The following PDE9A variants were observed in gnomAD, a reference collection of about 807,000 sequenced individuals.
The protein encoded by PDE9A is phosphodiesterase 9A.
In PDE9A, 60 loss-of-function variants were observed where a neutral mutation model predicts 87.4. The ratio of observed to expected loss-of-function variants is 0.69; its 90% confidence interval spans 0.56 to 0.85. The LOEUF is 0.85. Ranked by LOEUF, PDE9A falls within the 40% of genes least tolerant of loss-of-function variation. PDE9A has a pLI of 0.00. For synonymous variants in PDE9A, 272 were observed against 279.4 expected, an observed-to-expected ratio of 0.97 and a Z score of 0.27; for missense variants, 665 against 779.0, an observed-to-expected ratio of 0.85 and a Z score of 1.74.
chr21:42,670,247 A>C (rs62642827), intron 1 of PDE9A, among the ~76,000 whole-genome samples: 1 of 149,714 alleles, frequency 6.7e-6, no homozygotes, highest in Non-Finnish European at 1.5e-5. Context: ...ACACTCATAC[A>C]CATACATACA....
At position 42,770,787 on chromosome 21, in the gene PDE9A, G is replaced by A. The variant is rs201811895; in HGVS notation, c.1675G>A (p.Ala559Thr). 5.0e-6 allele frequency: 8 copies of A among 1,613,428 alleles called. No individual in the cohort carries two copies. The highest frequency in any genetic ancestry group is 2.2e-5 in the East Asian group (1 of 44,876). Reference protein sequence around the residue: ...RYEELKRIDDAMKELQKKTDS... With the variant: ...RYEELKRIDDTMKELQKKTDS... ...CGAGGAGCTGAAGCGGATAGATGAC[G>A]CCATGAAAGAGGTAAAACACACTGA... The change falls in exon 18 of 20, where the codon GCC becomes ACC. Residue 559 changes from alanine to threonine, a missense_variant. By Grantham distance (58) the Ala-to-Thr change is moderately conservative (BLOSUM62 0). Coordinates refer to ENST00000291539, the MANE Select transcript of PDE9A (RefSeq NM_002606.3).
chr21:42,759,079 G>A lies in PDE9A; in HGVS notation c.891G>A (p.Arg297=). 6.2e-7 allele frequency: 1 copy of A among 1,613,176 alleles called. No homozygotes were observed. The highest frequency in any genetic ancestry group is 2.2e-5 in the East Asian group (1 of 44,874). The change falls in exon 11 of 20, where the codon AGG becomes AGA. Residue 297 remains arginine, a synonymous_variant. Transcript: ENST00000291539. This position sits in a 1 kb window ranked among gnomAD's most constrained non-coding sequence, Gnocchi z 7.2. ...GCATCAACCCTGTCACCCTCAGGAG[G>A]TGGCTGGTGAGTGCCAAACCCGCCT... ...DFSINPVTLR[R]WLFCVHDNYR...
At chr21:42,763,067 TGA>T (rs1258321836) in intron 14 of PDE9A, among the ~76,000 whole-genome samples, 1 of 152,106 alleles carries the variant, frequency 6.6e-6, no homozygotes, top group African/African-American at 2.4e-5. Flanking sequence ...GATATCTGCG[TGA>T]GAGGAAGATG....
At chr21:42,693,299 C>CA (rs1294838094) in intron 3 of PDE9A, among the ~76,000 whole-genome samples, 1 of 133,350 alleles carries the variant, frequency 7.5e-6, no homozygotes, top group Admixed American at 7.4e-5. Flanking sequence ...ACCCAGGAAT[C>CA]TTTTTTTTTT....
In PDE9A at chr21:42,759,980, A is replaced by G. The variant is rs753104823; in HGVS notation, c.898-348A>G. On this transcript the variant is annotated intron_variant, in intron 11 of 19. Transcript: ENST00000291539. This position sits in a 1 kb window ranked among gnomAD's most constrained non-coding sequence, Gnocchi z 7.2. ...GGTTTCATGGTGACTGGGGACCCAG[A>G]GCTCCCTCTTGGAGTCTCCCCTCCC... Among the ~76,000 whole-genome samples, 1 of 151,990 alleles carries G rather than the reference A, an allele frequency of 6.6e-6. No individual in the cohort carries two copies. Among genetic ancestry groups the G allele is most frequent in the Non-Finnish European group, 1.5e-5 (1 of 67,980 alleles).
Position 42,760,747 on chromosome 21 carries a change from C to T in PDE9A, c.1003-78C>T. 1 of 794,342 alleles carries T rather than the reference C, an allele frequency of 1.3e-6. No homozygotes were observed. The highest frequency in any genetic ancestry group is 2.1e-6 in the Non-Finnish European group (1 of 471,618). 49.2% of individuals were successfully genotyped at this position (794,342 alleles called of 1,614,324 possible). A position where few individuals can be genotyped will look rare whatever the true frequency, so the allele number is the denominator to read the frequency against. Reference sequence around the variant, plus strand: ...GCCTTTGTCCCCCGCTTACCACTCACCCAATTCCACCCCCCCTCACCCCAT... The same window carrying T: ...GCCTTTGTCCCCCGCTTACCACTCATCCAATTCCACCCCCCCTCACCCCAT... On this transcript the variant is annotated intron_variant, in intron 12 of 19. Coordinates refer to ENST00000291539, the MANE Select transcript of PDE9A (RefSeq NM_002606.3). The surrounding 1 kb of genome is among the most constrained non-coding windows in gnomAD (Gnocchi z 5.2).
At position 42,700,175 on chromosome 21, in the gene PDE9A, G is replaced by A. The variant is rs185431903; in HGVS notation, c.262+1164G>A. On this transcript the variant is annotated intron_variant, in intron 4 of 19. Coordinates refer to ENST00000291539, the MANE Select transcript of PDE9A (RefSeq NM_002606.3). ...TTTTTGAGATCCATCCATGTGCTGT[G>A]TGTAGAGACAGTTCATGCTTTGTAT... Among the ~76,000 whole-genome samples, 241 of 152,284 alleles carry A rather than the reference G, an allele frequency of 1.6e-3. 1 individual carries two copies. Among genetic ancestry groups the A allele is most frequent in the African/African-American group, 5.3e-3 (222 of 41,544 alleles).
At chr21:42,716,224 A>T (rs527346182) in intron 4 of PDE9A, among the ~76,000 whole-genome samples, 87 of 151,934 alleles carry the variant, frequency 5.7e-4, no homozygotes, top group African/African-American at 2.0e-3. Flanking sequence ...TGCACATAAG[A>T]TTTTAACACA....
intron 4 of PDE9A, among the ~76,000 whole-genome samples, chr21:42,706,055 G>A (rs1309061216): frequency 2.0e-5 from 3 of 152,198 alleles, no homozygotes; most frequent in African/African-American, 4.8e-5. Context: ...GGAGGCCGGC[G>A]GCCGGCAGGG....
intron 1 of PDE9A, among the ~76,000 whole-genome samples, chr21:42,673,300 C>G (rs765555374): frequency 6.6e-6 from 1 of 152,178 alleles, no homozygotes; most frequent in Non-Finnish European, 1.5e-5. Flanking sequence ...CAACAACTGA[C>G]CAGGGCGATC....
rs536109268 is a variant in PDE9A, at chr21:42,657,622, G to A, written c.69+3739G>A. Among the ~76,000 whole-genome samples the A allele has an allele frequency of 3.0e-4, 45 of 152,352 alleles. 1 individual carries two copies. Among genetic ancestry groups the A allele is most frequent in the Admixed American group, 1.6e-3 (24 of 15,310 alleles). Reference sequence around the variant, plus strand: ...ACGACGCACTCAGCACTGGGGAGCTGGAGGGGGTCCCACCTGGTGGCACAT... The same window carrying A: ...ACGACGCACTCAGCACTGGGGAGCTAGAGGGGGTCCCACCTGGTGGCACAT... On this transcript the variant is annotated intron_variant, in intron 1 of 19. Coordinates refer to ENST00000291539, the MANE Select transcript of PDE9A (RefSeq NM_002606.3).
At chr21:42,657,345 C>G (rs1353236932) in intron 1 of PDE9A, among the ~76,000 whole-genome samples, 1 of 152,234 alleles carries the variant, frequency 6.6e-6, no homozygotes, top group Non-Finnish European at 1.5e-5. Flanking sequence ...AACCCCGTGT[C>G]TAGACCCTCA....
intron 4 of PDE9A, among the ~76,000 whole-genome samples, chr21:42,713,122 G>C (rs1193254614): frequency 6.9e-6 from 1 of 145,806 alleles, no homozygotes; most frequent in Non-Finnish European, 1.5e-5. Context: ...TGCTTTTTAT[G>C]TATTGACTTG....
At chr21:42,677,057 G>T (rs1203519135) in intron 1 of PDE9A, among the ~76,000 whole-genome samples, 3 of 152,190 alleles carry the variant, frequency 2.0e-5, no homozygotes, top group South Asian at 2.1e-4. Flanking sequence ...GAAGGGTAGT[G>T]TGATGGAAAG....
chr21:42,734,457 T>C (rs1244444418), intron 7 of PDE9A: 2 of 152,262 alleles, frequency 1.3e-5, no homozygotes, highest in Non-Finnish European at 2.9e-5. Context: ...GGTTAATGAT[T>C]AACAGGCACT....
At chr21:42,690,065 G>T (rs1480757869) in intron 3 of PDE9A, 6 of 985,022 alleles carry the variant, frequency 6.1e-6, no homozygotes, top group Non-Finnish European at 7.2e-6. Flanking sequence ...GGAGAAGATG[G>T]AGGTAGACGC....
rs187583777 is a variant in PDE9A, at chr21:42,715,542, G to A, written c.263-16228G>A. ...CTTGGCAGGGGAATCGCTTGAATCC[G>A]GAAGGCGGAGGTTGCAGTGAGCTGA... is the stretch of plus-strand genomic sequence containing the variant. On this transcript the variant is annotated intron_variant, in intron 4 of 19. Transcript: ENST00000291539. Among the ~76,000 whole-genome samples the A allele has an allele frequency of 1.7e-3, 264 of 151,788 alleles. 10 individuals carry two copies. The highest frequency in any genetic ancestry group is 2.8e-3 in the Non-Finnish European group (193 of 67,842).
intron 10 of PDE9A, among the ~76,000 whole-genome samples, chr21:42,754,698 G>A (rs996134599): frequency 3.9e-5 from 6 of 152,164 alleles, no homozygotes; most frequent in Non-Finnish European, 8.8e-5. Flanking sequence ...GAATCATGGG[G>A]GCAGTTTTCC....
Position 42,675,006 on chromosome 21 carries a change from G to A in PDE9A, c.70-11186G>A, listed in dbSNP as rs149258228. On this transcript the variant is annotated intron_variant, in intron 1 of 19. Transcript: ENST00000291539. The surrounding 1 kb of genome is among the most constrained non-coding windows in gnomAD (Gnocchi z 4.3). Reference sequence around the variant, plus strand: ...TTCTGAAAAATGCAGAACAGTATCAGGGAGAAAATAACTCATCCCCCACTA... The same window carrying A: ...TTCTGAAAAATGCAGAACAGTATCAAGGAGAAAATAACTCATCCCCCACTA... Among the ~76,000 whole-genome samples, 10 of 152,308 alleles carry A rather than the reference G, an allele frequency of 6.6e-5. No homozygotes were observed. In the East Asian group the frequency reaches 1.7e-3, roughly 26 times the overall value.
Sources: gnomAD v4.1 joint callset for allele counts (sites outside exome capture counted in the v4.1 genomes callset) on GRCh38, gnomAD v4.1.1 for gene constraint, Gnocchi (gnomAD v3.1) non-coding constraint, MANE v1.5 for transcripts, NCBI Gene and HGNC (gene_info 2026-07-23, HGNC 2026-07-21) for gene names.